Variants in LGI1 observed in about 807,000 individuals in gnomAD.
LGI1 encodes the protein leucine rich glioma inactivated 1, also known as leucine-rich glioma-inactivated protein 1.
A neutral mutation model predicts 57.7 loss-of-function variants in LGI1; 11 were observed. The observed-to-expected ratio is 0.19, with a 90% CI of 0.12 to 0.32. The LOEUF (loss-of-function observed/expected upper bound fraction) is 0.32. LGI1 is among the 10% of genes least tolerant of loss of function. The pLI, the probability that LGI1 is intolerant of heterozygous loss-of-function variation, is 1.00. For synonymous variants in LGI1, 222 were observed against 241.9 expected (o/e 0.92, Z 0.76); for missense variants, 422 against 661.9 (o/e 0.64, Z 3.98).
intron 4 of LGI1, 133 bp downstream of exon 4, chr10:93,777,750 A>C: frequency 1.4e-6 from 1 of 690,156 alleles, no homozygotes; most frequent in Non-Finnish European, 2.6e-6. Flanking sequence ...CTCCATGCAC[A>C]CTTGCCATCT....
intron 2 of LGI1, chr10:93,763,425 T>C (rs2059644331): frequency 6.6e-6 from 1 of 152,264 alleles, no homozygotes; most frequent in African/African-American, 2.4e-5. Context: ...TTATGGTGCT[T>C]GTATCTGCCT....
chr10:93,767,747 G>C lies in LGI1; in HGVS notation c.287+8916G>C, dbSNP rs117571519. 7.4e-4 allele frequency: 112 copies of C among 152,282 alleles called. 2 individuals are homozygous for C. In the East Asian group the frequency reaches 0.019, roughly 25 times the overall value. The allele number at this position is 152,282 out of a possible 1,614,324, so 9.4% of individuals were successfully genotyped here. ...GGCTCCTCAGTAGGCTCTCTACCTG[G>C]TCAAGCAATTTAGCACACACCCCTT... On this transcript the variant is annotated intron_variant, in intron 2 of 7. Coordinates refer to ENST00000371418, the MANE Select transcript of LGI1 (RefSeq NM_005097.4).
intron 4 of LGI1, among the ~76,000 whole-genome samples, chr10:93,781,183 C>G (rs573847660): frequency 1.1e-4 from 16 of 152,084 alleles, no homozygotes; most frequent in Admixed American, 7.9e-4. Context: ...ATGGTGAAAC[C>G]CCATCTCTAC....
chr10:93,797,274 T>C lies in LGI1; in HGVS notation c.1145T>C (p.Val382Ala). 8.1e-6 allele frequency: 13 copies of C among 1,614,174 alleles called. No individual in the cohort carries two copies. Among genetic ancestry groups the C allele is most frequent in the Non-Finnish European group, 1.1e-5 (13 of 1,180,046 alleles). Residue 382 changes from valine to alanine, a missense_variant, in exon 8 of 8, where the codon GTG (valine) becomes GCG (alanine). Coordinates refer to ENST00000371418, the MANE Select transcript of LGI1 (RefSeq NM_005097.4). The surrounding 1 kb of genome is among the most constrained non-coding windows in gnomAD (Gnocchi z 6.5). Reference sequence around the variant, plus strand: ...CACGCGTGGTACAGGGACACTGATGTGGAATATCTAGAAATAGTCAGAACA... The same window carrying C: ...CACGCGTGGTACAGGGACACTGATGCGGAATATCTAGAAATAGTCAGAACA... ...SLHAWYRDTDVEYLEIVRTPQ... is the reference protein window; with the variant it reads ...SLHAWYRDTDAEYLEIVRTPQ...
chr10:93,793,521 G>A (rs552841524), intron 7 of LGI1, among the ~76,000 whole-genome samples, 171 bp downstream of exon 7: 12 of 152,258 alleles, frequency 7.9e-5, no homozygotes, highest in Admixed American at 2.6e-4. Flanking sequence ...CTTGTAAAAC[G>A]GGAATAATAT....
intron 5 of LGI1, 90 bp downstream of exon 5, chr10:93,790,260 G>T (rs2059925434): frequency 8.8e-7 from 1 of 1,141,084 alleles, no homozygotes; most frequent in Non-Finnish European, 1.2e-6. Flanking sequence ...TTTTTAATTG[G>T]CTTTTAAATT....
At chr10:93,760,158 G>T (rs961737269) in intron 2 of LGI1, among the ~76,000 whole-genome samples, 1 of 152,236 alleles carries the variant, frequency 6.6e-6, no homozygotes, top group African/African-American at 2.4e-5. Flanking sequence ...TTGACATTAT[G>T]TAATGATGTT....
At chr10:93,793,119 ATATT>A in intron 6 of LGI1, 63 bp from the exon 7 acceptor site, 1 of 1,358,872 alleles carries the variant, frequency 7.4e-7, no homozygotes. Context: ...TTTCTTGTGA[ATATT>A]TAAGATCTAG....
intron 7 of LGI1, chr10:93,794,762 A>G (rs896917976): frequency 6.6e-6 from 1 of 152,162 alleles, no homozygotes; most frequent in African/African-American, 2.4e-5. Context: ...AATTTTTAAT[A>G]TCAGTTTTAG....
Position 93,792,728 on chromosome 10 carries a change from A to G in LGI1, c.504-15A>G. 2 of 1,613,704 alleles carry G rather than the reference A, an allele frequency of 1.2e-6. No homozygotes were observed. The highest frequency in any genetic ancestry group is 1.7e-6 in the Non-Finnish European group (2 of 1,179,672). On this transcript the variant is annotated splice_polypyrimidine_tract_variant and intron_variant, in intron 5 of 7. Coordinates refer to ENST00000371418, the MANE Select transcript of LGI1 (RefSeq NM_005097.4). The stretch of plus-strand genomic sequence containing the variant: ...GGCCCTTGTACAGCAAAAGCAGCTG[A>G]AGTTTGTCTTTCAGGGACCTGAGGG...
At chr10:93,780,725 G>A (rs942516519) in intron 4 of LGI1, among the ~76,000 whole-genome samples, 3 of 152,160 alleles carry the variant, frequency 2.0e-5, no homozygotes, top group Non-Finnish European at 4.4e-5. Flanking sequence ...CCAGTGCTAC[G>A]TCCACTGTGC....
intron 2 of LGI1, among the ~76,000 whole-genome samples, chr10:93,760,205 A>G (rs1440808493): frequency 6.6e-6 from 1 of 152,212 alleles, no homozygotes; most frequent in East Asian, 1.9e-4. Context: ...TCTTCAAATG[A>G]TTAGCAATTG....
At chr10:93,777,890 C>T (rs985367897) in intron 4 of LGI1, among the ~76,000 whole-genome samples, 1 of 152,186 alleles carries the variant, frequency 6.6e-6, no homozygotes, top group Non-Finnish European at 1.5e-5. Flanking sequence ...CTTTTATTAT[C>T]TACATCATTA....
intron 2 of LGI1, chr10:93,763,157 C>T (rs2059640310): frequency 6.6e-6 from 1 of 152,300 alleles, no homozygotes; most frequent in Non-Finnish European, 1.5e-5. Context: ...AGACACAGCT[C>T]TCCGTGCTTT....
intron 4 of LGI1, among the ~76,000 whole-genome samples, chr10:93,786,953 C>T (rs1258867946): frequency 6.6e-6 from 1 of 152,184 alleles, no homozygotes; most frequent in African/African-American, 2.4e-5. Flanking sequence ...TTTCCTAAGT[C>T]GTTCTCTGCC....
Position 93,759,994 on chromosome 10 carries a change from G to A in LGI1, c.287+1163G>A, listed in dbSNP as rs527711209. Among the ~76,000 whole-genome samples, 219 of 152,178 alleles carry A rather than the reference G, an allele frequency of 1.4e-3. 1 individual carries two copies. The highest frequency in any genetic ancestry group is 4.8e-3 in the African/African-American group (198 of 41,512). On this transcript the variant is annotated intron_variant, in intron 2 of 7. Coordinates refer to ENST00000371418, the MANE Select transcript of LGI1 (RefSeq NM_005097.4). ...TAAGTAGATAAAACACTTGGCATAG[G>A]GTGTGCCAAATGCTTACACATTTAT...
chr10:93,777,664 TG>T (rs1464619506), intron 4 of LGI1, 47 bp downstream of exon 4: 2 of 1,466,304 alleles, frequency 1.4e-6, no homozygotes, highest in Non-Finnish European at 1.9e-6. Flanking sequence ...TAATGGACAA[TG>T]CAGTTTGATC....
At chr10:93,761,750 A>T (rs2059625868) in intron 2 of LGI1, among the ~76,000 whole-genome samples, 1 of 152,206 alleles carries the variant, frequency 6.6e-6, no homozygotes, top group Non-Finnish European at 1.5e-5. Flanking sequence ...GATTAGTTGT[A>T]ATATACATTT....
intron 4 of LGI1, among the ~76,000 whole-genome samples, chr10:93,787,836 C>T (rs1416402699): frequency 6.7e-6 from 1 of 148,680 alleles, no homozygotes; most frequent in African/African-American, 2.5e-5. Context: ...GAGCCAGGGA[C>T]GTTGAGGCTG....
Sources: gnomAD v4.1 joint callset for allele counts (sites outside exome capture counted in the v4.1 genomes callset) on GRCh38, gnomAD v4.1.1 for gene constraint, Gnocchi (gnomAD v3.1) non-coding constraint, MANE v1.5 for transcripts, NCBI Gene and HGNC (gene_info 2026-07-23, HGNC 2026-07-21) for gene names.